Variants in NT5C2 observed in about 807,000 individuals in gnomAD.
NT5C2 encodes cytosolic purine 5'-nucleotidase.
A neutral mutation model predicts 76.1 loss-of-function variants in NT5C2; 58 were observed. That is an observed-to-expected ratio of 0.76 (90% confidence interval 0.62 to 0.95). NT5C2 has a LOEUF of 0.95. Among genes scored for constraint, NT5C2 ranks in the 40% least tolerant of loss-of-function variants. NT5C2 has a pLI of 0.00. For synonymous variants in NT5C2, 229 were observed against 237.4 expected (o/e 0.96, Z 0.32); for missense variants, 478 against 690.3 (o/e 0.69, Z 3.45).
chr10:103,093,677 C>A, intron 14 of NT5C2: 1 of 411,684 alleles, frequency 2.4e-6, no homozygotes. Context: ...CTTGAGAAAC[C>A]CTTGAGAACA....
intron 3 of NT5C2, among the ~76,000 whole-genome samples, chr10:103,156,011 T>A (rs1183096597): frequency 6.6e-6 from 1 of 151,950 alleles, no homozygotes; most frequent in Non-Finnish European, 1.5e-5. Context: ...AAAAAAAATT[T>A]AAAAATTAGC....
At chr10:103,189,470 G>A (rs2092428963) in intron 1 of NT5C2, among the ~76,000 whole-genome samples, 2 of 151,440 alleles carry the variant, frequency 1.3e-5, no homozygotes, top group Non-Finnish European at 2.9e-5. Flanking sequence ...GCTGGGCGTG[G>A]TGGCACACGC....
At chr10:103,155,845 C>A (rs1439869456) in intron 3 of NT5C2, among the ~76,000 whole-genome samples, 1 of 152,118 alleles carries the variant, frequency 6.6e-6, no homozygotes, top group Non-Finnish European at 1.5e-5. Flanking sequence ...ACTAAAGGAT[C>A]TAAGCAGGAT....
intron 6 of NT5C2, among the ~76,000 whole-genome samples, chr10:103,103,584 A>G (rs2070378177): frequency 6.6e-6 from 1 of 152,210 alleles, no homozygotes; most frequent in South Asian, 2.1e-4. Flanking sequence ...ACACTAGTAT[A>G]TATTTAAAAT....
chr10:103,090,503 G>A (rs989348465), intron 18 of NT5C2, 108 bp downstream of exon 18: 30 of 1,007,928 alleles, frequency 3.0e-5, no homozygotes, highest in Admixed American at 5.4e-5. Context: ...CCTGGGCTCT[G>A]TACATCAGAA....
rs769796123 is a variant in NT5C2 at position 103,174,990 on chromosome 10, A to T, written c.-24-8T>A. On this transcript the variant is annotated splice_polypyrimidine_tract_variant and splice_region_variant and intron_variant, in intron 2 of 18. Transcript: ENST00000404739. The stretch of plus-strand genomic sequence containing the variant: ...TTAACTGTATTTTGTATTCTAGAAA[A>T]GAAAATCATTAATTTAGTAACTTAA... The T allele has an allele frequency of 1.4e-6, 2 of 1,435,164 alleles. No homozygotes were observed. The highest frequency in any genetic ancestry group is 3.4e-5 in the Admixed American group (2 of 59,124). The allele number at this position is 1,435,164 out of a possible 1,614,324, so 88.9% of individuals were successfully genotyped here.
At chr10:103,101,858 G>A (rs1407232660) in intron 6 of NT5C2, among the ~76,000 whole-genome samples, 1 of 152,232 alleles carries the variant, frequency 6.6e-6, no homozygotes, top group African/African-American at 2.4e-5. Context: ...TGCACGTGCT[G>A]GTATATGAGC....
rs1449897336 is a variant in NT5C2 at position 103,094,539 on chromosome 10, T to C, written c.814-84A>G. The stretch of plus-strand genomic sequence containing the variant: ...TTTAATCTCACTCAGATGCAAGGAA[T>C]ATAAAAATACTAAGTATAGCCAGAA... On this transcript the variant is annotated intron_variant, in intron 12 of 18. Transcript: ENST00000404739. 7 of 746,030 alleles carry C rather than the reference T, an allele frequency of 9.4e-6. No homozygotes were observed. The Admixed American group carries it at 1.5e-4, about 16-fold the overall frequency. The allele number at this position is 746,030 out of a possible 1,614,324, so 46.2% of individuals were successfully genotyped here. A position where few individuals can be genotyped will look rare whatever the true frequency, so the allele number is the denominator to read the frequency against.
intron 4 of NT5C2, among the ~76,000 whole-genome samples, chr10:103,111,047 A>C (rs1436523884): frequency 6.6e-6 from 1 of 152,178 alleles, no homozygotes; most frequent in African/African-American, 2.4e-5. Flanking sequence ...AACCACATAT[A>C]TCTCCTCAGA....
At chr10:103,172,021 C>T (rs2088187990) in intron 3 of NT5C2, among the ~76,000 whole-genome samples, 1 of 151,954 alleles carries the variant, frequency 6.6e-6, no homozygotes. Context: ...ACCAGCCTGG[C>T]AAACACGGTG....
chr10:103,115,139 G>A (rs761631757), intron 4 of NT5C2, among the ~76,000 whole-genome samples: 2 of 152,202 alleles, frequency 1.3e-5, no homozygotes, highest in East Asian at 1.9e-4. Context: ...GGTGGCTCAC[G>A]CCTATAACCC....
chr10:103,110,808 T>C (rs1310128154), intron 4 of NT5C2, among the ~76,000 whole-genome samples: 1 of 152,166 alleles, frequency 6.6e-6, no homozygotes, highest in Non-Finnish European at 1.5e-5. Flanking sequence ...TTATCTGCTA[T>C]ATAGTACAAC....
At chr10:103,171,221 C>A (rs2087901048) in intron 3 of NT5C2, among the ~76,000 whole-genome samples, 1 of 152,144 alleles carries the variant, frequency 6.6e-6, no homozygotes, top group South Asian at 2.1e-4. Context: ...ACTTAAAAAA[C>A]CAACTATTGA....
At position 103,101,050 on chromosome 10, in the gene NT5C2, A is replaced by G. The variant is rs757657251; in HGVS notation, c.534T>C (p.Tyr178=). 2.0e-5 allele frequency: 30 copies of G among 1,524,360 alleles called. No homozygotes were observed. The highest frequency in any genetic ancestry group is 2.7e-5 in the Non-Finnish European group (30 of 1,098,384). The allele number at this position is 1,524,360 out of a possible 1,614,324, so 94.4% of individuals were successfully genotyped here. ...TAATTATAGTATATACATACCTGGT[A>G]TATCTGGGACAATTAGTAAAAAAAT... ...LVDFFTNCPR[Y]TSCETGFKDG... The change falls in exon 8 of 19, where the codon TAT becomes TAC. Residue 178 remains tyrosine (Y), a synonymous_variant. Transcript: ENST00000404739.
intron 4 of NT5C2, among the ~76,000 whole-genome samples, chr10:103,127,548 TAAATGATTACC>T (rs1340175569): frequency 5.3e-5 from 8 of 152,136 alleles, no homozygotes; most frequent in African/African-American, 1.7e-4. Flanking sequence ...ATTGGGGAAA[TAAATGATTACC>T]AAATGATTAC....
At chr10:103,163,947 C>A (rs1196861979) in intron 3 of NT5C2, among the ~76,000 whole-genome samples, 5 of 151,332 alleles carry the variant, frequency 3.3e-5, no homozygotes, top group African/African-American at 9.7e-5. Context: ...ATCGCTTGAA[C>A]CTGGGAGGCA....
intron 10 of NT5C2, chr10:103,097,863 G>A (rs796296014): frequency 6.7e-5 from 25 of 370,764 alleles, no homozygotes; most frequent in African/African-American, 4.8e-4. Context: ...ACACCCACGT[G>A]CGCTTAAATG....
intron 3 of NT5C2, among the ~76,000 whole-genome samples, chr10:103,156,484 G>A (rs544118781): frequency 1.4e-4 from 21 of 152,316 alleles, no homozygotes; most frequent in East Asian, 1.3e-3. Flanking sequence ...GCCACGTGCC[G>A]TGGCTCATGC....
intron 4 of NT5C2, among the ~76,000 whole-genome samples, chr10:103,112,160 C>T (rs2073185228): frequency 6.6e-6 from 1 of 152,082 alleles, no homozygotes. Flanking sequence ...CAGGCTAACA[C>T]GATAGAAACT....
Sources: gnomAD v4.1 joint callset for allele counts (sites outside exome capture counted in the v4.1 genomes callset) on GRCh38, gnomAD v4.1.1 for gene constraint, MANE v1.5 for transcripts, NCBI Gene and HGNC (gene_info 2026-07-23, HGNC 2026-07-21) for gene names.